Variants in TNFAIP1 observed in about 807,000 individuals in gnomAD.
TNFAIP1 encodes TNF alpha induced protein 1.
TNFAIP1 carries 20 observed loss-of-function variants against 32.6 expected under a neutral mutation model. That is an observed-to-expected ratio of 0.61 (90% CI 0.43 to 0.89). The LOEUF (loss-of-function observed/expected upper bound fraction) is 0.89, where lower values mean the gene tolerates loss of function less well. Among genes scored for constraint, TNFAIP1 ranks in the 40% least tolerant of loss-of-function variants. The pLI, the probability that TNFAIP1 is intolerant of heterozygous loss-of-function variation, is 0.00. For synonymous variants in TNFAIP1, 166 were observed against 166.8 expected, an observed-to-expected ratio of 1.00 and a Z score of 0.04; for missense variants, 319 against 425.1, an observed-to-expected ratio of 0.75 and a Z score of 2.20.
At chr17:28,336,933 T>C (rs1412358956) in intron 1 of TNFAIP1, among the ~76,000 whole-genome samples, 1 of 152,250 alleles carries the variant, frequency 6.6e-6, no homozygotes, top group Non-Finnish European at 1.5e-5. Flanking sequence ...CATGGCATTG[T>C]GCTGAGCACC....
chr17:28,336,565 G>A (rs1555577469), intron 1 of TNFAIP1: 1 of 152,244 alleles, frequency 6.6e-6, no homozygotes, highest in African/African-American at 2.4e-5. Flanking sequence ...ATGTATGTGT[G>A]CTTTCTCTGA....
At chr17:28,344,215 G>C (rs1208977408) in intron 6 of TNFAIP1, 149 bp from the exon 7 acceptor site, 2 of 710,512 alleles carry the variant, frequency 2.8e-6, no homozygotes, top group African/African-American at 3.5e-5. Context: ...CCCGCCTTCG[G>C]AGGGAGGCTG....
At position 28,339,671 on chromosome 17, in the gene TNFAIP1, C is replaced by T. The variant is rs782294998; in HGVS notation, c.150C>T (p.Asp50=). 4 of 1,614,126 alleles carry T rather than the reference C, an allele frequency of 2.5e-6. No homozygotes were observed. Among genetic ancestry groups the T allele is most frequent in the East Asian group, 4.5e-5 (2 of 44,882 alleles). The change falls in exon 2 of 7, where the codon GAC becomes GAT. Residue 50 remains aspartate (D), a synonymous_variant. Coordinates refer to ENST00000226225, the MANE Select transcript of TNFAIP1 (RefSeq NM_021137.5). ...YTTVRALTRH[D]TMLKAMFSGR... ...CTGTGCGGGCCCTGACCCGCCACGA[C>T]ACCATGCTCAAGGCCATGTTCAGTG...
At chr17:28,341,537 G>A (rs1421818881) in intron 5 of TNFAIP1, 81 bp downstream of exon 5, 1 of 1,526,720 alleles carries the variant, frequency 6.5e-7, no homozygotes, top group Non-Finnish European at 9.0e-7. Context: ...CGGTCGGCGT[G>A]GGTCTGGGCC....
At chr17:28,337,302 G>T (rs1472689613) in intron 1 of TNFAIP1, among the ~76,000 whole-genome samples, 1 of 152,086 alleles carries the variant, frequency 6.6e-6, no homozygotes, top group African/African-American at 2.4e-5. Context: ...ATCCACCTTT[G>T]TTATCATCTA....
chr17:28,344,427 C>T lies in TNFAIP1; in HGVS notation c.778C>T (p.Arg260Cys), dbSNP rs782243251. The T allele has an allele frequency of 6.8e-6, 11 of 1,613,832 alleles. No individual in the cohort carries two copies. Among genetic ancestry groups the T allele is most frequent in the East Asian group, 2.2e-5 (1 of 44,896 alleles). ...TLNVLLYETP[R>C]VPDNSLLEAT... ...CAACGTCCTACTCTATGAGACTCCC[C>T]GCGTCCCCGACAACTCCTTGTTGGA... is the stretch of plus-strand genomic sequence containing the variant. Residue 260 changes from arginine (R) to cysteine (C), a missense_variant, in exon 7 of 7, where the codon CGC (arginine) becomes TGC (cysteine). Physicochemically the swap from Arg to Cys is radical, Grantham distance 180. Transcript: ENST00000226225.
intron 6 of TNFAIP1, among the ~76,000 whole-genome samples, chr17:28,343,845 GAC>G (rs1907450812): frequency 6.6e-6 from 1 of 152,098 alleles, no homozygotes; most frequent in African/African-American, 2.4e-5. Flanking sequence ...TCATGCCGGT[GAC>G]ACACTGCGTC....
In TNFAIP1 at chr17:28,339,388, C is replaced by T; in HGVS notation, c.-114-20C>T. 1.2e-6 allele frequency: 1 copy of T among 841,842 alleles called. No individual in the cohort carries two copies. Among genetic ancestry groups the T allele is most frequent in the Non-Finnish European group, 1.7e-6 (1 of 577,422 alleles). 52.1% of individuals were successfully genotyped at this position (841,842 alleles called of 1,614,324 possible). On this transcript the variant is annotated intron_variant, in intron 1 of 6. Transcript: ENST00000226225. The stretch of plus-strand genomic sequence containing the variant: ...CTGTCTCAGCTGGTTCGTGTCTTCT[C>T]TTCCCTCTCCCATGTACAGCACTGA...
At chr17:28,336,811 C>T (rs150673443) in intron 1 of TNFAIP1, among the ~76,000 whole-genome samples, 48 of 152,346 alleles carry the variant, frequency 3.2e-4, no homozygotes, top group African/African-American at 1.1e-3. Flanking sequence ...CTTCACACAG[C>T]ACCCACGCTG....
chr17:28,341,602 A>G, intron 5 of TNFAIP1, 146 bp downstream of exon 5: 2 of 883,568 alleles, frequency 2.3e-6, no homozygotes, highest in East Asian at 5.2e-5. Context: ...TAGAAGGGAA[A>G]TTGGGACAGA....
In TNFAIP1 at chr17:28,346,783, G is replaced by C. The variant is rs528508896; in HGVS notation, c.*2183G>C. The C allele has an allele frequency of 6.6e-6, 1 of 152,306 alleles. No individual in the cohort carries two copies. The highest frequency in any genetic ancestry group is 2.1e-4 in the South Asian group (1 of 4,822). The allele number at this position is 152,306 out of a possible 1,614,324, so 9.4% of individuals were successfully genotyped here. On this transcript the variant is annotated 3_prime_UTR_variant, in exon 7 of 7. Coordinates refer to ENST00000226225, the MANE Select transcript of TNFAIP1 (RefSeq NM_021137.5). ...GTAAGTAAACAAAGTATGGATGAAGGTCAGATTTTCTTGTCAGTTTCTGAG... is the reference window on the plus strand; with the variant it reads ...GTAAGTAAACAAAGTATGGATGAAGCTCAGATTTTCTTGTCAGTTTCTGAG...
chr17:28,340,605 G>A lies in TNFAIP1; in HGVS notation c.375+127G>A. 9.1e-7 allele frequency: 1 copy of A among 1,095,926 alleles called. No homozygotes were observed. 67.9% of individuals were successfully genotyped at this position (1,095,926 alleles called of 1,614,324 possible). A position where few individuals can be genotyped will look rare whatever the true frequency, so the allele number is the denominator to read the frequency against. ...TGGTTGATGAGTGCAAACCTAATGA[G>A]ACAAGTGAGATGCCACCCAGGCCCA... is the stretch of plus-strand genomic sequence containing the variant. On this transcript the variant is annotated intron_variant, in intron 3 of 6. Transcript: ENST00000226225. The surrounding 1 kb of genome is among the most constrained non-coding windows in gnomAD (Gnocchi z 4.1).
In TNFAIP1 at chr17:28,340,247, C is replaced by G; in HGVS notation, c.206-62C>G. 6.3e-7 allele frequency: 1 copy of G among 1,576,904 alleles called. No homozygotes were observed. The highest frequency in any genetic ancestry group is 8.7e-7 in the Non-Finnish European group (1 of 1,154,040). On this transcript the variant is annotated intron_variant, in intron 2 of 6. Coordinates refer to ENST00000226225, the MANE Select transcript of TNFAIP1 (RefSeq NM_021137.5). This position sits in a 1 kb window ranked among gnomAD's most constrained non-coding sequence, Gnocchi z 4.1. The stretch of plus-strand genomic sequence containing the variant: ...ACCTGCCGCCAGCTTGTCAGGTGGC[C>G]TTTGCCTGCCTCGGAGGTACCTGGC...
At chr17:28,344,269 C>T (rs782775978) in intron 6 of TNFAIP1, 95 bp from the exon 7 acceptor site, 31 of 1,063,968 alleles carry the variant, frequency 2.9e-5, no homozygotes, top group Non-Finnish European at 3.7e-5. Context: ...TGAGAGGTAG[C>T]GGAGGCCTTA....
chr17:28,339,626 C>A lies in TNFAIP1; in HGVS notation c.105C>A (p.Gly35=), dbSNP rs782033545. ...ACAAGTATGTCCAGCTCAACGTGGG[C>A]GGCTCTCTGTACTACACCACTGTGC... is the stretch of plus-strand genomic sequence containing the variant. ...LGNKYVQLNV[G]GSLYYTTVRA... is the part of the protein sequence containing the mutation. The change falls in exon 2 of 7, where the codon GGC becomes GGA. Residue 35 remains glycine (G), a synonymous_variant. Coordinates refer to ENST00000226225, the MANE Select transcript of TNFAIP1 (RefSeq NM_021137.5). 2 of 1,613,880 alleles carry A rather than the reference C, an allele frequency of 1.2e-6. No individual in the cohort carries two copies. Among genetic ancestry groups the A allele is most frequent in the Non-Finnish European group, 1.7e-6 (2 of 1,179,984 alleles).
At chr17:28,337,857 A>C (rs1209880676) in intron 1 of TNFAIP1, among the ~76,000 whole-genome samples, 1 of 152,074 alleles carries the variant, frequency 6.6e-6, no homozygotes, top group Non-Finnish European at 1.5e-5. Context: ...CAGGTTCTGG[A>C]ATTATCTGCT....
At position 28,340,244 on chromosome 17, in the gene TNFAIP1, G is replaced by A. The variant is rs1299557093; in HGVS notation, c.206-65G>A. ...GCCACCTGCCGCCAGCTTGTCAGGTGGCCTTTGCCTGCCTCGGAGGTACCT... is the reference window on the plus strand; with the variant it reads ...GCCACCTGCCGCCAGCTTGTCAGGTAGCCTTTGCCTGCCTCGGAGGTACCT... On this transcript the variant is annotated intron_variant, in intron 2 of 6. Transcript: ENST00000226225. The surrounding 1 kb of genome is among the most constrained non-coding windows in gnomAD (Gnocchi z 4.1). 4.5e-6 allele frequency: 7 copies of A among 1,558,944 alleles called. No individual in the cohort carries two copies. The highest frequency in any genetic ancestry group is 3.5e-5 in the Admixed American group (2 of 57,162).
chr17:28,339,881 A>C (rs1193658698), intron 2 of TNFAIP1, among the ~76,000 whole-genome samples, 155 bp downstream of exon 2: 1 of 152,234 alleles, frequency 6.6e-6, no homozygotes, highest in Admixed American at 6.5e-5. Context: ...GTGAAATTGT[A>C]TATGGAATGC....
chr17:28,344,227 C>G, intron 6 of TNFAIP1, 137 bp from the exon 7 acceptor site: 1 of 767,568 alleles, frequency 1.3e-6, no homozygotes, highest in Non-Finnish European at 2.2e-6. Flanking sequence ...GGGAGGCTGG[C>G]TTTCCCTGGA....
Sources: allele counts gnomAD v4.1 joint callset (sites outside exome capture counted in the v4.1 genomes callset), GRCh38; gene constraint gnomAD v4.1.1; non-coding constraint Gnocchi (gnomAD v3.1); transcripts MANE v1.5; gene names NCBI Gene and HGNC (gene_info 2026-07-23, HGNC 2026-07-21).